The following GABRP variants were observed in gnomAD, a reference collection of about 807,000 sequenced individuals.
The protein encoded by GABRP is gamma-aminobutyric acid receptor subunit pi.
GABRP carries 52 observed loss-of-function variants against 47.8 expected under a neutral mutation model. The ratio of observed to expected loss-of-function variants is 1.09; its 90% CI spans 0.87 to 1.37. The LOEUF (loss-of-function observed/expected upper bound fraction) is 1.37, where lower values mean the gene tolerates loss of function less well. GABRP is among the 40% of genes most tolerant of loss of function. The pLI is 0.00. For synonymous variants in GABRP, 221 were observed against 205.8 expected, an observed-to-expected ratio of 1.07 and a Z score of -0.63; for missense variants, 525 against 542.8, an observed-to-expected ratio of 0.97 and a Z score of 0.33.
At chr5:170,787,942 C>G (rs571299865) in intron 1 of GABRP, among the ~76,000 whole-genome samples, 15 of 152,132 alleles carry the variant, frequency 9.9e-5, no homozygotes, top group Non-Finnish European at 1.8e-4. Context: ...AAGGACAGGG[C>G]AAGGATAGCC....
At position 170,797,758 on chromosome 5, in the gene GABRP, A is replaced by G. The variant is rs1441092259; in HGVS notation, c.541+210A>G. Among the ~76,000 whole-genome samples, 11 of 152,312 alleles carry G rather than the reference A, an allele frequency of 7.2e-5. No homozygotes were observed. In the East Asian group the frequency reaches 2.1e-3, roughly 29 times the overall value. On this transcript the variant is annotated intron_variant, in intron 6 of 9. Transcript: ENST00000265294. The stretch of plus-strand genomic sequence containing the variant: ...TTGGGGAGAACCATTATGCATTAGT[A>G]CCAGATATCTCCACCTATGAGTGGA...
chr5:170,809,470 C>T (rs1765824589), intron 8 of GABRP, 98 bp from the exon 9 acceptor site: 2 of 1,178,022 alleles, frequency 1.7e-6, no homozygotes, highest in Non-Finnish European at 2.5e-6. Flanking sequence ...CTGGGTCTTG[C>T]CCTCACCCTG....
rs370488838 is a variant in GABRP, at chr5:170,786,332, G to A, written c.-42-2242G>A. On this transcript the variant is annotated intron_variant, in intron 1 of 9. Transcript: ENST00000265294. ...TGATTTTATAACTGGTATTTTCAAT[G>A]AGTGAGAACAAAAAAGCTAACATAA... Among the ~76,000 whole-genome samples the A allele has an allele frequency of 1.2e-4, 19 of 152,186 alleles. No homozygotes were observed. The East Asian group carries it at 1.5e-3, about 12-fold the overall frequency.
rs138181202 is a variant in GABRP at position 170,805,573 on chromosome 5, G to A, written c.542-143G>A. ...ATTGCAATTGCACTTGGGAAATCTT[G>A]CTAAGTTCTGCATGGGATTGTCCTT... On this transcript the variant is annotated intron_variant, in intron 6 of 9. Coordinates refer to ENST00000265294, the MANE Select transcript of GABRP (RefSeq NM_014211.3). 505 of 905,842 alleles carry A rather than the reference G, an allele frequency of 5.6e-4. 2 individuals carry two copies. In the African/African-American group the frequency reaches 7.7e-3, roughly 14 times the overall value. 56.1% of individuals were successfully genotyped at this position (905,842 alleles called of 1,614,324 possible). A position where few individuals can be genotyped will look rare whatever the true frequency, so the allele number is the denominator to read the frequency against.
rs1225155875 is a variant in GABRP at position 170,794,323 on chromosome 5, AC to A, written c.240+28del. Reference sequence around the variant, plus strand: ...GGTAAGCGCTGTTCCTTTGTACTCTACCCAAGTAGTCCCTCTCTGTGTGTTT... The same window carrying A: ...GGTAAGCGCTGTTCCTTTGTACTCTACCAAGTAGTCCCTCTCTGTGTGTTT... On this transcript the variant is annotated intron_variant, in intron 4 of 9. Transcript: ENST00000265294. 3 of 1,438,386 alleles carry A rather than the reference AC, an allele frequency of 2.1e-6. No homozygotes were observed. In the Admixed American group the frequency reaches 5.3e-5, roughly 25 times the overall value. The allele number at this position is 1,438,386 out of a possible 1,614,324, so 89.1% of individuals were successfully genotyped here.
In GABRP at chr5:170,805,875, A is replaced by G. The variant is rs770431393; in HGVS notation, c.679+22A>G. ...ACAGGTAACTCATGTGACAAACTGT[A>G]TGAAATAAAAATAAGTGAACTGAGG... On this transcript the variant is annotated intron_variant, in intron 7 of 9. Transcript: ENST00000265294. 39 of 1,611,320 alleles carry G rather than the reference A, an allele frequency of 2.4e-5. 1 individual carries two copies. The South Asian group carries it at 4.1e-4, about 17-fold the overall frequency.
At chr5:170,784,939 A>G (rs954584600) in intron 1 of GABRP, among the ~76,000 whole-genome samples, 2 of 152,202 alleles carry the variant, frequency 1.3e-5, no homozygotes, top group Admixed American at 6.5e-5. Flanking sequence ...CTGCAGATGC[A>G]GAAGGCTAGG....
intron 8 of GABRP, 96 bp downstream of exon 8, chr5:170,808,848 G>T: frequency 9.9e-7 from 1 of 1,011,850 alleles, no homozygotes; most frequent in South Asian, 1.8e-5. Context: ...TCCTAAGGCA[G>T]TTCCAAGAGT....
At position 170,805,859 on chromosome 5, in the gene GABRP, T is replaced by A. The variant is rs28652836; in HGVS notation, c.679+6T>A. ...CAGATCGCAGCAGGAGACAGGTAACTCATGTGACAAACTGTATGAAATAAA... is the reference window on the plus strand; with the variant it reads ...CAGATCGCAGCAGGAGACAGGTAACACATGTGACAAACTGTATGAAATAAA... On this transcript the variant is annotated splice_donor_region_variant and intron_variant, in intron 7 of 9. Transcript: ENST00000265294. The A allele has an allele frequency of 1.2e-6, 2 of 1,613,430 alleles. No individual in the cohort carries two copies. The highest frequency in any genetic ancestry group is 2.2e-5 in the South Asian group (2 of 90,970).
At chr5:170,785,999 G>A (rs983244026) in intron 1 of GABRP, among the ~76,000 whole-genome samples, 2 of 152,200 alleles carry the variant, frequency 1.3e-5, no homozygotes, top group African/African-American at 4.8e-5. Flanking sequence ...CATCCTCCCT[G>A]CTCTTTTGCA....
rs1455386741 is a variant in GABRP at position 170,802,049 on chromosome 5, C to A, written c.542-3667C>A. Among the ~76,000 whole-genome samples, 5 of 152,170 alleles carry A rather than the reference C, an allele frequency of 3.3e-5. No individual in the cohort carries two copies. The East Asian group carries it at 9.6e-4, about 29-fold the overall frequency. ...TGACATTTATCACTCGTGCTTCCAA[C>A]TTTTAAAAAAAATTGCTTGATAGAT... On this transcript the variant is annotated intron_variant, in intron 6 of 9. Transcript: ENST00000265294.
chr5:170,809,161 T>C (rs757317267), intron 8 of GABRP, among the ~76,000 whole-genome samples: 24 of 152,304 alleles, frequency 1.6e-4, no homozygotes, highest in Non-Finnish European at 3.1e-4. Flanking sequence ...GGTCCTGAAC[T>C]CCTGACCTCA....
At position 170,810,940 on chromosome 5, in the gene GABRP, G is replaced by A. The variant is rs917889071; in HGVS notation, c.1021-1016G>A. Reference sequence around the variant, plus strand: ...AGTTGAGTTACCTCCTCATCCCCCCGCCCAAGAATCTGGATTTACTAGATT... The same window carrying A: ...AGTTGAGTTACCTCCTCATCCCCCCACCCAAGAATCTGGATTTACTAGATT... On this transcript the variant is annotated intron_variant, in intron 9 of 9. Coordinates refer to ENST00000265294, the MANE Select transcript of GABRP (RefSeq NM_014211.3). Among the ~76,000 whole-genome samples, 6 of 151,706 alleles carry A rather than the reference G, an allele frequency of 4.0e-5. No homozygotes were observed. In the East Asian group the frequency reaches 5.9e-4, roughly 15 times the overall value.
intron 7 of GABRP, 33 bp from the exon 8 acceptor site, chr5:170,808,567 A>G: frequency 6.2e-7 from 1 of 1,602,282 alleles, no homozygotes; most frequent in Non-Finnish European, 8.5e-7. Context: ...ACACGAACAG[A>G]CACAATTTCC....
At chr5:170,792,205 G>A (rs1204377409) in intron 3 of GABRP, among the ~76,000 whole-genome samples, 2 of 152,184 alleles carry the variant, frequency 1.3e-5, no homozygotes, top group Admixed American at 1.3e-4. Flanking sequence ...CACTTTGGGA[G>A]GCTGAGGTGG....
At chr5:170,807,137 T>C (rs1360550098) in intron 7 of GABRP, among the ~76,000 whole-genome samples, 1 of 151,712 alleles carries the variant, frequency 6.6e-6, no homozygotes, top group Admixed American at 6.6e-5. Flanking sequence ...ATTGTAGAGA[T>C]GAGGTTACAT....
intron 9 of GABRP, 24 bp from the exon 10 acceptor site, chr5:170,811,932 C>T (rs1305331108): frequency 6.2e-7 from 1 of 1,601,626 alleles, no homozygotes; most frequent in Non-Finnish European, 8.5e-7. Flanking sequence ...GTCTTTTAAG[C>T]TAACTGCATT....
intron 6 of GABRP, among the ~76,000 whole-genome samples, chr5:170,801,792 T>C (rs1341366558): frequency 6.6e-6 from 1 of 151,120 alleles, no homozygotes; most frequent in East Asian, 2.0e-4. Context: ...AACTCTACAG[T>C]CTAATAGAGG....
chr5:170,804,819 G>A (rs1380099426), intron 6 of GABRP, among the ~76,000 whole-genome samples: 1 of 151,924 alleles, frequency 6.6e-6, no homozygotes, highest in Non-Finnish European at 1.5e-5. Flanking sequence ...TCCTGAGAAA[G>A]TTATGCAACC....
Sources: gnomAD v4.1 joint callset for allele counts (sites outside exome capture counted in the v4.1 genomes callset) on GRCh38, gnomAD v4.1.1 for gene constraint, MANE v1.5 for transcripts, NCBI Gene and HGNC (gene_info 2026-07-23, HGNC 2026-07-21) for gene names.